The following EML6 variants were observed in gnomAD, a reference collection of about 807,000 sequenced individuals.
EML6 encodes echinoderm microtubule-associated protein-like 6.
EML6 carries 154 observed loss-of-function variants against 240.1 expected under a neutral mutation model. That is an observed-to-expected ratio of 0.64 (90% CI 0.56 to 0.73). The LOEUF (loss-of-function observed/expected upper bound fraction) is 0.73, where lower values mean the gene tolerates loss of function less well. EML6 is among the 30% of genes least tolerant of loss of function. EML6 has a pLI of 0.00. For synonymous variants in EML6, 1,148 were observed against 899.0 expected (o/e 1.28, Z -4.95); for missense variants, 2,964 against 2,474.6 (o/e 1.20, Z -4.20).
intron 32 of EML6, 138 bp from the exon 33 acceptor site, chr2:54,957,652 C>T: frequency 1.3e-6 from 1 of 742,770 alleles, no homozygotes; most frequent in Non-Finnish European, 2.2e-6. Flanking sequence ...GGAATAGTGT[C>T]TGAAGGGGAG....
intron 16 of EML6, 75 bp downstream of exon 16, chr2:54,871,680 T>TGCGCGCAC: frequency 9.6e-7 from 1 of 1,043,590 alleles, no homozygotes; most frequent in Non-Finnish European, 1.5e-6. Context: ...GCCCCGCGCA[T>TGCGCGCAC]GCGCGCACGC....
chr2:54,946,320 C>G (rs1675692836), intron 28 of EML6, among the ~76,000 whole-genome samples: 1 of 152,196 alleles, frequency 6.6e-6, no homozygotes, highest in Admixed American at 6.5e-5. Context: ...CACTGGGTCT[C>G]CCTGCCAATG....
chr2:54,736,239 A>AT (rs1030523623), intron 2 of EML6, among the ~76,000 whole-genome samples: 12 of 152,332 alleles, frequency 7.9e-5, no homozygotes, highest in African/African-American at 2.6e-4. Context: ...GCCAATTTAC[A>AT]TTTTAGGAAG....
intron 26 of EML6, among the ~76,000 whole-genome samples, chr2:54,926,994 C>T (rs577752702): frequency 1.3e-5 from 2 of 152,340 alleles, no homozygotes; most frequent in East Asian, 3.9e-4. Flanking sequence ...GGATGTGCTC[C>T]TGCTTCCAGC....
At chr2:54,788,867 A>G (rs1558548542) in intron 2 of EML6, among the ~76,000 whole-genome samples, 1 of 152,206 alleles carries the variant, frequency 6.6e-6, no homozygotes, top group Admixed American at 6.5e-5. Flanking sequence ...TGGCTAGATG[A>G]AAAATGGAAA....
At chr2:54,958,533 A>T (rs963778602) in intron 33 of EML6, among the ~76,000 whole-genome samples, 3 of 152,046 alleles carry the variant, frequency 2.0e-5, no homozygotes, top group Non-Finnish European at 2.9e-5. Flanking sequence ...AAAAGGTAGG[A>T]CACCCACCCA....
chr2:54,860,402 C>T (rs769820572), intron 12 of EML6, among the ~76,000 whole-genome samples: 1 of 152,108 alleles, frequency 6.6e-6, no homozygotes, highest in Non-Finnish European at 1.5e-5. Flanking sequence ...AAATGCAGCC[C>T]AGTTTCTACC....
chr2:54,913,341 G>A (rs1356286271), intron 25 of EML6, among the ~76,000 whole-genome samples: 2 of 151,370 alleles, frequency 1.3e-5, no homozygotes, highest in South Asian at 4.2e-4. Flanking sequence ...TTGACTTGCC[G>A]GGCTTAGGTG....
chr2:54,893,851 T>A (rs1385895002), intron 19 of EML6, among the ~76,000 whole-genome samples: 3 of 152,190 alleles, frequency 2.0e-5, no homozygotes, highest in Non-Finnish European at 2.9e-5. Flanking sequence ...TTTGTTTTGT[T>A]TTGTTTTTTT....
chr2:54,897,759 G>T (rs1672846781), intron 21 of EML6, among the ~76,000 whole-genome samples: 1 of 151,622 alleles, frequency 6.6e-6, no homozygotes, highest in Admixed American at 6.6e-5. Flanking sequence ...CTCTTAGGTG[G>T]ATCTCATTAT....
chr2:54,853,361 A>T (rs555666819), intron 10 of EML6, among the ~76,000 whole-genome samples: 3 of 152,298 alleles, frequency 2.0e-5, no homozygotes, highest in South Asian at 4.1e-4. Context: ...TATTGGGTAC[A>T]TGTGAAATTC....
rs557758251 is a variant in EML6, at chr2:54,815,646, A to G, written c.358-1141A>G. 1.6e-3 allele frequency among the ~76,000 whole-genome samples: 249 copies of G among 152,334 alleles called. 1 individual carries two copies. The highest frequency in any genetic ancestry group is 3.1e-3 in the Non-Finnish European group (208 of 68,032). On this transcript the variant is annotated intron_variant, in intron 3 of 41. Coordinates refer to ENST00000356458, the MANE Select transcript of EML6 (RefSeq NM_001039753.4). ...TCTTGTTTCCATTGCTGAAACCCTCAGTTAAAAAATTATAGCAAAGAAATT... is the reference window on the plus strand; with the variant it reads ...TCTTGTTTCCATTGCTGAAACCCTCGGTTAAAAAATTATAGCAAAGAAATT...
chr2:54,794,854 G>C (rs1572907214), intron 2 of EML6, among the ~76,000 whole-genome samples: 2 of 152,282 alleles, frequency 1.3e-5, no homozygotes, highest in South Asian at 2.1e-4. Flanking sequence ...TGAATTTGTA[G>C]CTTCAGTAGG....
chr2:54,815,185 G>T (rs1572942097), intron 3 of EML6, among the ~76,000 whole-genome samples: 1 of 152,242 alleles, frequency 6.6e-6, no homozygotes, highest in South Asian at 2.1e-4. Flanking sequence ...GTTAATTTAT[G>T]TTAGAATCCT....
Position 54,928,502 on chromosome 2 carries a change from G to T in EML6, c.3865G>T (p.Glu1289Ter). The T allele has an allele frequency of 6.5e-7, 1 of 1,545,416 alleles. No homozygotes were observed. ...CAGCGAGGAGTCAGACACCGACGTG[G>T]AAGAGGATGGAGGTGAGCCCCCCAC... ...VDSEESDTDV[E>*]EDGGYDSDVA... Residue 1289 changes from glutamate (E) to a stop codon, truncating the protein, a stop_gained, in exon 27 of 42, where the codon GAA becomes TAA. Transcript: ENST00000356458. LOFTEE classifies it high-confidence loss of function.
At chr2:54,939,486 A>C (rs1028299757) in intron 28 of EML6, among the ~76,000 whole-genome samples, 4 of 152,244 alleles carry the variant, frequency 2.6e-5, no homozygotes, top group Admixed American at 1.3e-4. Flanking sequence ...TGCTTCCAAC[A>C]GTCCCCATGG....
rs981106133 is a variant in EML6, at chr2:54,820,388, G to A, written c.457-6G>A. 1.6e-5 allele frequency: 25 copies of A among 1,545,346 alleles called. No individual in the cohort carries two copies. The African/African-American group carries it at 3.4e-4, about 21-fold the overall frequency. ...TCAACATGGCAACTTTTAATGTTTT[G>A]AACAGATTTTTGATATTTCCTGGGA... On this transcript the variant is annotated splice_polypyrimidine_tract_variant and splice_region_variant and intron_variant, in intron 4 of 41. Transcript: ENST00000356458.
Position 54,903,372 on chromosome 2 carries a change from T to C in EML6, c.3279T>C (p.Asp1093=). 1 of 1,551,236 alleles carries C rather than the reference T, an allele frequency of 6.4e-7. No homozygotes were observed. Among genetic ancestry groups the C allele is most frequent in the Non-Finnish European group, 8.7e-7 (1 of 1,146,836 alleles). Residue 1093 remains aspartate, a splice_region_variant and synonymous_variant, in exon 24 of 42, where the codon GAT becomes GAC. Transcript: ENST00000356458. ...EMISDIKFSK[D]TGKYLAVASH... ...TTAACCCCACATTTTTCTTAACAGATACGGGAAAATACCTTGCCGTGGCAT... is the reference window on the plus strand; with the variant it reads ...TTAACCCCACATTTTTCTTAACAGACACGGGAAAATACCTTGCCGTGGCAT...
intron 2 of EML6, among the ~76,000 whole-genome samples, chr2:54,800,910 G>A (rs1670102532): frequency 6.6e-6 from 1 of 152,074 alleles, no homozygotes; most frequent in South Asian, 2.1e-4. Flanking sequence ...AACAGGAGCT[G>A]GTAAATGGCA....
Sources: allele counts gnomAD v4.1 joint callset (sites outside exome capture counted in the v4.1 genomes callset), GRCh38; gene constraint gnomAD v4.1.1; transcripts MANE v1.5; gene names NCBI Gene and HGNC (gene_info 2026-07-23, HGNC 2026-07-21).